DCUN1D1: variants seen among roughly 807,000 people sequenced by gnomAD.
DCUN1D1 encodes defective in cullin neddylation 1 domain containing 1, also known as DCN1-like protein 1.
In DCUN1D1, 3 loss-of-function variants were observed where a neutral mutation model predicts 39.0. The observed-to-expected ratio is 0.08, with a 90% CI of 0.04 to 0.20. The LOEUF is 0.20. Among genes scored for constraint, DCUN1D1 ranks in the 10% least tolerant of loss-of-function variants. The pLI, the probability that DCUN1D1 is intolerant of heterozygous loss-of-function variation, is 1.00. For missense variants in DCUN1D1, 158 were observed against 302.4 expected (o/e 0.52, Z 3.54); for synonymous variants, 82 against 96.3 (o/e 0.85, Z 0.87).
In DCUN1D1 at chr3:182,973,534, C is replaced by T. The variant is rs963458759; in HGVS notation, c.3+6953G>A. 2.6e-5 allele frequency among the ~76,000 whole-genome samples: 4 copies of T among 152,178 alleles called. No individual in the cohort carries two copies. The South Asian group carries it at 8.3e-4, about 31-fold the overall frequency. Reference sequence around the variant, plus strand: ...TTTCAAAAATTCAGAAGTGGCCGGGCGCAGTGGCTCACGCCTATAATCCCA... The same window carrying T: ...TTTCAAAAATTCAGAAGTGGCCGGGTGCAGTGGCTCACGCCTATAATCCCA... On this transcript the variant is annotated intron_variant, in intron 1 of 6. Transcript: ENST00000292782.
intron 1 of DCUN1D1, among the ~76,000 whole-genome samples, chr3:182,969,192 G>C (rs1727816398): frequency 1.3e-5 from 2 of 152,154 alleles, no homozygotes. Flanking sequence ...TCCCTACTAA[G>C]GGAATTCAAT....
rs769384130 is a variant in DCUN1D1 at position 182,975,175 on chromosome 3, ATT to A, written c.3+5310_3+5311del. ...ACTTTTTTAAAAAAATTAACACAGA[ATT>A]TTTTTTTTTTTTTTTTTGAGACAGG... On this transcript the variant is annotated intron_variant, in intron 1 of 6. Coordinates refer to ENST00000292782, the MANE Select transcript of DCUN1D1 (RefSeq NM_020640.4). 6.1e-4 allele frequency among the ~76,000 whole-genome samples: 84 copies of A among 138,556 alleles called. 1 individual carries two copies. The highest frequency in any genetic ancestry group is 1.5e-3 in the Admixed American group (21 of 13,684). The allele number at this position is 138,556 out of a possible 152,430, so 90.9% of individuals were successfully genotyped here.
At chr3:182,975,146 T>TA (rs1163630974) in intron 1 of DCUN1D1, among the ~76,000 whole-genome samples, 1 of 151,980 alleles carries the variant, frequency 6.6e-6, no homozygotes, top group Non-Finnish European at 1.5e-5. Context: ...CCTGTTCTTT[T>TA]AAAACTTTTT....
chr3:182,947,655 T>C lies in DCUN1D1; in HGVS notation c.521-23A>G, dbSNP rs143147777. The C allele has an allele frequency of 1.0e-4, 129 of 1,272,764 alleles. 1 individual carries two copies. In the African/African-American group the frequency reaches 1.6e-3, roughly 15 times the overall value. The allele number at this position is 1,272,764 out of a possible 1,614,324, so 78.8% of individuals were successfully genotyped here. ...GATCTGAAATAGTAAAAATGAATTATGTATTTAAATGCTATAAATATTTGT... is the reference window on the plus strand; with the variant it reads ...GATCTGAAATAGTAAAAATGAATTACGTATTTAAATGCTATAAATATTTGT... On this transcript the variant is annotated intron_variant, in intron 4 of 6. Transcript: ENST00000292782.
chr3:182,955,058 G>C (rs1002898346), intron 4 of DCUN1D1, among the ~76,000 whole-genome samples: 7 of 133,792 alleles, frequency 5.2e-5, no homozygotes, highest in African/African-American at 2.0e-4. Context: ...TTTTTTTTTT[G>C]AGACTGAGCC....
In DCUN1D1 at chr3:182,939,204, A is replaced by C. The variant is rs1387553137; in HGVS notation, c.*5890T>G. 1 of 152,218 alleles carries C rather than the reference A, an allele frequency of 6.6e-6. No individual in the cohort carries two copies. Among genetic ancestry groups the C allele is most frequent in the African/African-American group, 2.4e-5 (1 of 41,456 alleles). 9.4% of individuals were successfully genotyped at this position (152,218 alleles called of 1,614,324 possible). ...TACCCGCCAGGATGGCTGCAATAAAAAAGACAAGTATTGGCAAGGATGTGC... is the reference window on the plus strand; with the variant it reads ...TACCCGCCAGGATGGCTGCAATAAACAAGACAAGTATTGGCAAGGATGTGC... On this transcript the variant is annotated 3_prime_UTR_variant, in exon 7 of 7. Coordinates refer to ENST00000292782, the MANE Select transcript of DCUN1D1 (RefSeq NM_020640.4).
At chr3:182,946,787 G>A (rs142151571) in intron 6 of DCUN1D1, among the ~76,000 whole-genome samples, 177 of 152,202 alleles carry the variant, frequency 1.2e-3, no homozygotes, top group Non-Finnish European at 2.1e-3. Flanking sequence ...ATTGGTAAAT[G>A]TATGAAGGTA....
intron 1 of DCUN1D1, among the ~76,000 whole-genome samples, chr3:182,977,759 G>A (rs1358719585): frequency 6.6e-6 from 1 of 151,958 alleles, no homozygotes; most frequent in Non-Finnish European, 1.5e-5. Context: ...ATATGTTTCA[G>A]GCTGGCGTGG....
intron 1 of DCUN1D1, among the ~76,000 whole-genome samples, chr3:182,973,416 G>C (rs1483502250): frequency 6.6e-6 from 1 of 152,192 alleles, no homozygotes; most frequent in Non-Finnish European, 1.5e-5. Flanking sequence ...TGAAATCACA[G>C]ACAAGAGGGT....
intron 4 of DCUN1D1, among the ~76,000 whole-genome samples, chr3:182,949,014 C>T (rs1269265871): frequency 1.3e-5 from 2 of 150,828 alleles, no homozygotes; most frequent in Admixed American, 1.3e-4. Context: ...CACCACTCCA[C>T]TCCAGTCTGG....
chr3:182,974,372 C>T (rs375060480), intron 1 of DCUN1D1, among the ~76,000 whole-genome samples: 1 of 152,008 alleles, frequency 6.6e-6, no homozygotes, highest in African/African-American at 2.4e-5. Flanking sequence ...AAACTTGTTT[C>T]TTGAACTTCT....
Position 182,940,113 on chromosome 3 carries a change from T to C in DCUN1D1, c.*4981A>G, listed in dbSNP as rs1726071360. ...TCACTGTTAACGATTTAATTAGCAT[T>C]GTCCCTTAGCCATTTCATTAATTGG... is the stretch of plus-strand genomic sequence containing the variant. On this transcript the variant is annotated 3_prime_UTR_variant, in exon 7 of 7. Coordinates refer to ENST00000292782, the MANE Select transcript of DCUN1D1 (RefSeq NM_020640.4). The C allele has an allele frequency of 2.0e-5, 3 of 152,184 alleles. No individual in the cohort carries two copies. Among genetic ancestry groups the C allele is most frequent in the African/African-American group, 4.8e-5 (2 of 41,440 alleles). 9.4% of individuals were successfully genotyped at this position (152,184 alleles called of 1,614,324 possible).
chr3:182,974,175 C>A (rs150584969), intron 1 of DCUN1D1, among the ~76,000 whole-genome samples: 1,703 of 152,230 alleles, frequency 0.011, 34 homozygotes, highest in African/African-American at 0.039. Flanking sequence ...TCGTTTGAAT[C>A]CAGGAGGCAG....
rs1448646781 is a variant in DCUN1D1, at chr3:182,941,414, G to A, written c.*3680C>T. On this transcript the variant is annotated 3_prime_UTR_variant, in exon 7 of 7. Coordinates refer to ENST00000292782, the MANE Select transcript of DCUN1D1 (RefSeq NM_020640.4). ...TAGAAATTATTGCTATATTATGATT[G>A]TAAAAATGGAGGCAATAAAGAGTTC... The A allele has an allele frequency of 1.3e-5, 2 of 151,942 alleles. No individual in the cohort carries two copies. Among genetic ancestry groups the A allele is most frequent in the African/African-American group, 2.4e-5 (1 of 41,390 alleles). 9.4% of individuals were successfully genotyped at this position (151,942 alleles called of 1,614,324 possible).
At chr3:182,976,859 C>A (rs932269169) in intron 1 of DCUN1D1, among the ~76,000 whole-genome samples, 4 of 152,154 alleles carry the variant, frequency 2.6e-5, no homozygotes, top group East Asian at 3.8e-4. Context: ...GAACTGATAA[C>A]CTCCTTTATT....
chr3:182,960,425 C>A (rs1479260049), intron 4 of DCUN1D1, among the ~76,000 whole-genome samples: 2 of 152,200 alleles, frequency 1.3e-5, no homozygotes, highest in East Asian at 3.8e-4. Flanking sequence ...CAAAGCCAAG[C>A]TTATTGCTGA....
chr3:182,947,151 G>A (rs188145003), intron 6 of DCUN1D1, 87 bp downstream of exon 6: 9 of 675,116 alleles, frequency 1.3e-5, no homozygotes, highest in Middle Eastern at 2.6e-4. Flanking sequence ...TTCCAACTCC[G>A]AGAAAAACAA....
rs1290821874 is a variant in DCUN1D1 at position 182,938,573 on chromosome 3, A to C, written c.*6521T>G. 3 of 152,204 alleles carry C rather than the reference A, an allele frequency of 2.0e-5. No homozygotes were observed. Among genetic ancestry groups the C allele is most frequent in the African/African-American group, 7.2e-5 (3 of 41,456 alleles). 9.4% of individuals were successfully genotyped at this position (152,204 alleles called of 1,614,324 possible). A position where few individuals can be genotyped will look rare whatever the true frequency, so the allele number is the denominator to read the frequency against. ...TTCAAAGATGAATGGCATTTAGATA[A>C]ATCAAGATTGGCCATGGATTGATCA... On this transcript the variant is annotated 3_prime_UTR_variant, in exon 7 of 7. Coordinates refer to ENST00000292782, the MANE Select transcript of DCUN1D1 (RefSeq NM_020640.4).
chr3:182,981,545 C>T (rs1297006009), upstream of DCUN1D1, among the ~76,000 whole-genome samples: 1 of 152,240 alleles, frequency 6.6e-6, no homozygotes, highest in East Asian at 1.9e-4. Flanking sequence ...AAGACACCTT[C>T]ACACAGGAAG....
Sources: allele counts gnomAD v4.1 joint callset (sites outside exome capture counted in the v4.1 genomes callset), GRCh38; gene constraint gnomAD v4.1.1; transcripts MANE v1.5; gene names NCBI Gene and HGNC (gene_info 2026-07-23, HGNC 2026-07-21).